CATSPERT: variants seen among roughly 807,000 people sequenced by gnomAD.
CATSPERT encodes the protein catsper channel auxiliary subunit tau.
chr2:201,536,407 T>C, the CATSPERT span: 1 of 1,436,856 alleles, frequency 7.0e-7, no homozygotes, highest in Non-Finnish European at 9.3e-7. Context: ...TCAAAATCAA[T>C]TGTACCCTTA....
the CATSPERT span, among the ~76,000 whole-genome samples, chr2:201,530,961 GTTTTT>G: frequency 4.7e-5 from 5 of 106,042 alleles, no homozygotes; most frequent in Admixed American, 2.5e-4. Flanking sequence ...TTTTTTGTGG[GTTTTT>G]TTTTTTTTTT....
At chr2:201,538,991 A>G in the CATSPERT span, among the ~76,000 whole-genome samples, 1 of 152,182 alleles carries the variant, frequency 6.6e-6, no homozygotes, top group Non-Finnish European at 1.5e-5. Context: ...TGCAAAGGAC[A>G]TGATCTCATT....
the CATSPERT span, among the ~76,000 whole-genome samples, chr2:201,499,464 C>T: frequency 6.6e-6 from 1 of 152,220 alleles, no homozygotes; most frequent in Admixed American, 6.5e-5. Flanking sequence ...GGCCAGAAAC[C>T]TAAGGGTTTT....
the CATSPERT span, chr2:201,535,895 G>A: frequency 6.5e-7 from 1 of 1,531,654 alleles, no homozygotes; most frequent in Non-Finnish European, 8.7e-7. Context: ...TTTTTAATCT[G>A]GTGGAAACTA....
chr2:201,577,869 T>A, the CATSPERT span, among the ~76,000 whole-genome samples: 1 of 152,172 alleles, frequency 6.6e-6, no homozygotes, highest in Non-Finnish European at 1.5e-5. Flanking sequence ...ATTTTCATCA[T>A]CCTCATTATA....
At chr2:201,572,769 GA>G in the CATSPERT span, among the ~76,000 whole-genome samples, 176 of 149,070 alleles carry the variant, frequency 1.2e-3, no homozygotes, top group African/African-American at 3.8e-3. Context: ...GCAGAGAAGG[GA>G]AAAAAAAAGC....
the CATSPERT span, among the ~76,000 whole-genome samples, chr2:201,562,969 C>T: frequency 6.6e-6 from 1 of 150,806 alleles, no homozygotes; most frequent in South Asian, 2.1e-4. Context: ...CCCACCTTTC[C>T]CCCCTTTCTA....
the CATSPERT span, among the ~76,000 whole-genome samples, chr2:201,581,218 C>T: frequency 6.6e-6 from 1 of 151,288 alleles, no homozygotes; most frequent in Admixed American, 6.6e-5. Context: ...CCAGCCTGGG[C>T]AACACAGCAA....
the CATSPERT span, among the ~76,000 whole-genome samples, chr2:201,591,969 C>T: frequency 6.6e-6 from 1 of 151,984 alleles, no homozygotes; most frequent in Non-Finnish European, 1.5e-5. Context: ...TAATTGAATA[C>T]CCTTTATTTC....
At chr2:201,588,188 C>T in the CATSPERT span, among the ~76,000 whole-genome samples, 2 of 151,770 alleles carry the variant, frequency 1.3e-5, no homozygotes, top group Admixed American at 6.6e-5. Context: ...AGAGATTCAA[C>T]AAAAAAGAAA....
At chr2:201,563,136 GGCGGGGGGCT>G in the CATSPERT span, among the ~76,000 whole-genome samples, 4 of 60,890 alleles carry the variant, frequency 6.6e-5, no homozygotes, top group African/African-American at 2.0e-4. Flanking sequence ...CGGCTGGCCG[GGCGGGGGGCT>G]GACCCCCCAC....
At chr2:201,494,138 A>G in the CATSPERT span, 1 of 1,533,310 alleles carries the variant, frequency 6.5e-7, no homozygotes, top group African/African-American at 1.4e-5. Flanking sequence ...TCTGAAAGCC[A>G]GTTGTTTAAA....
At chr2:201,518,883 A>G in the CATSPERT span, among the ~76,000 whole-genome samples, 1 of 152,184 alleles carries the variant, frequency 6.6e-6, no homozygotes, top group East Asian at 1.9e-4. Flanking sequence ...TTATTGAGCC[A>G]TCTGGAAGGG....
At chr2:201,602,014 A>G in the CATSPERT span, 1 of 627,470 alleles carries the variant, frequency 1.6e-6, no homozygotes, top group Non-Finnish European at 2.5e-6. Flanking sequence ...CAATAGAAAA[A>G]AAGTATTCTA....
the CATSPERT span, among the ~76,000 whole-genome samples, chr2:201,592,130 G>T: frequency 6.6e-6 from 1 of 152,040 alleles, no homozygotes; most frequent in African/African-American, 2.4e-5. Flanking sequence ...GTTTGTCATA[G>T]ATAGCTCTTA....
At chr2:201,569,091 G>T in the CATSPERT span, among the ~76,000 whole-genome samples, 1 of 152,136 alleles carries the variant, frequency 6.6e-6, no homozygotes, top group Admixed American at 6.5e-5. Flanking sequence ...CTTCTCCCCA[G>T]TGCACAAATA....
the CATSPERT span, among the ~76,000 whole-genome samples, chr2:201,577,452 T>C: frequency 1.3e-5 from 2 of 152,212 alleles, no homozygotes; most frequent in African/African-American, 4.8e-5. Context: ...TCTGCACTCA[T>C]GTCAGCACGA....
the CATSPERT span, among the ~76,000 whole-genome samples, chr2:201,552,266 C>A: frequency 2.6e-5 from 4 of 152,132 alleles, no homozygotes; most frequent in African/African-American, 9.7e-5. Flanking sequence ...TGAGCCACTG[C>A]GCCCAGCCCT....
At chr2:201,540,387 T>C in the CATSPERT span, among the ~76,000 whole-genome samples, 1 of 152,250 alleles carries the variant, frequency 6.6e-6, no homozygotes, top group South Asian at 2.1e-4. Flanking sequence ...ACTCAATGCC[T>C]GGCTTCAACG....
Sources: gnomAD v4.1 joint callset for allele counts (sites outside exome capture counted in the v4.1 genomes callset) on GRCh38, gnomAD v4.1.1 for gene constraint, MANE v1.5 for transcripts, NCBI Gene and HGNC (gene_info 2026-07-23, HGNC 2026-07-21) for gene names.